The following SEMA3C variants were observed in gnomAD, a reference collection of about 807,000 sequenced individuals.
SEMA3C encodes semaphorin-3C.
A neutral mutation model predicts 89.4 loss-of-function variants in SEMA3C; 47 were observed. The ratio of observed to expected loss-of-function variants is 0.53; its 90% CI spans 0.42 to 0.67. SEMA3C has a LOEUF of 0.67. SEMA3C is among the 30% of genes least tolerant of loss of function. The probability of loss-of-function intolerance (pLI) is 0.00; values close to 1 mark genes in which losing one functional copy is unlikely to be tolerated. For synonymous variants in SEMA3C, 310 were observed against 320.2 expected, an observed-to-expected ratio of 0.97 and a Z score of 0.34; for missense variants, 839 against 929.1, an observed-to-expected ratio of 0.90 and a Z score of 1.26.
chr7:80,788,351 C>T (rs1175769659), intron 12 of SEMA3C, among the ~76,000 whole-genome samples: 1 of 152,182 alleles, frequency 6.6e-6, no homozygotes, highest in East Asian at 1.9e-4. Flanking sequence ...TTTGAAAATA[C>T]ATTTTAAATT....
chr7:80,833,340 G>A (rs1199892732), intron 2 of SEMA3C, among the ~76,000 whole-genome samples: 2 of 151,986 alleles, frequency 1.3e-5, no homozygotes, highest in African/African-American at 4.8e-5. Context: ...GGCTAAGGCA[G>A]GACAGCCTCA....
intron 2 of SEMA3C, among the ~76,000 whole-genome samples, chr7:80,839,367 G>A (rs945966368): frequency 1.3e-5 from 2 of 152,084 alleles, no homozygotes; most frequent in African/African-American, 4.8e-5. Flanking sequence ...TTTGAGGCAA[G>A]GTGTTCAAGA....
At chr7:80,919,898 A>T (rs2116274350), upstream of SEMA3C, among the ~76,000 whole-genome samples, 1 of 152,292 alleles carries the variant, frequency 6.6e-6, no homozygotes, top group South Asian at 2.1e-4. Flanking sequence ...AAGATAAACG[A>T]CAATCTTGTT....
intron 13 of SEMA3C, 48 bp from the exon 14 acceptor site, chr7:80,761,705 A>G: frequency 2.9e-6 from 3 of 1,048,578 alleles, no homozygotes; most frequent in Non-Finnish European, 2.8e-6. Context: ...ATTGCTTAAA[A>G]GGATTTTACA....
intron 4 of SEMA3C, among the ~76,000 whole-genome samples, chr7:80,822,589 G>C (rs925554834): frequency 6.6e-6 from 1 of 152,024 alleles, no homozygotes; most frequent in African/African-American, 2.4e-5. Flanking sequence ...TTGCAGAGAA[G>C]ACAGAGTAGA....
At chr7:80,765,091 C>T in intron 13 of SEMA3C, 64 bp downstream of exon 13, 1 of 1,090,822 alleles carries the variant, frequency 9.2e-7, no homozygotes, top group Non-Finnish European at 1.4e-6. Flanking sequence ...TCCCAAGTGG[C>T]TGTAAGATTA....
rs1792049214 is a variant in SEMA3C at position 80,907,766 on chromosome 7, C to G, written c.103+8913G>C. On this transcript the variant is annotated intron_variant, in intron 2 of 17. Transcript: ENST00000265361. The stretch of plus-strand genomic sequence containing the variant: ...AATTAAATTATTCGATAATTCTTTT[C>G]AAATCAAGGGGTAATTTAAGTCATA... Among the ~76,000 whole-genome samples, 5 of 152,048 alleles carry G rather than the reference C, an allele frequency of 3.3e-5. No individual in the cohort carries two copies. In the South Asian group the frequency reaches 8.3e-4, roughly 25 times the overall value.
chr7:80,747,196 G>A (rs573249078), intron 17 of SEMA3C, among the ~76,000 whole-genome samples: 3 of 151,816 alleles, frequency 2.0e-5, no homozygotes, highest in Non-Finnish European at 4.4e-5. Context: ...TTTTGAGATT[G>A]GAAAAAAAGT....
At chr7:80,888,264 A>G (rs1376099771) in intron 2 of SEMA3C, among the ~76,000 whole-genome samples, 4 of 151,708 alleles carry the variant, frequency 2.6e-5, no homozygotes, top group Non-Finnish European at 2.9e-5. Flanking sequence ...AATACAAAAA[A>G]CTAGCCGGGC....
chr7:80,794,916 C>T lies in SEMA3C; in HGVS notation c.1131+3176G>A, dbSNP rs192157023. ...ACTGACTTGGGCTTGCTGGTGGGGT[C>T]GTTTGCTAACAGAGCTACCAACCGT... On this transcript the variant is annotated intron_variant, in intron 11 of 17. Coordinates refer to ENST00000265361, the MANE Select transcript of SEMA3C (RefSeq NM_006379.5). 2.1e-3 allele frequency among the ~76,000 whole-genome samples: 325 copies of T among 152,190 alleles called. 1 individual carries two copies. Among genetic ancestry groups the T allele is most frequent in the African/African-American group, 7.4e-3 (309 of 41,538 alleles).
At chr7:80,825,664 A>G (rs998672399) in intron 4 of SEMA3C, among the ~76,000 whole-genome samples, 2 of 152,156 alleles carry the variant, frequency 1.3e-5, no homozygotes, top group African/African-American at 4.8e-5. Context: ...TGCCTATGGC[A>G]GTTCATATGA....
chr7:80,769,931 T>C (rs181456014), intron 12 of SEMA3C, among the ~76,000 whole-genome samples: 11 of 151,604 alleles, frequency 7.3e-5, no homozygotes, highest in African/African-American at 2.7e-4. Context: ...CAGTAAAAGT[T>C]ACAATACCAC....
intron 12 of SEMA3C, among the ~76,000 whole-genome samples, chr7:80,771,681 A>C (rs755162260): frequency 3.3e-5 from 5 of 152,114 alleles, no homozygotes; most frequent in African/African-American, 4.8e-5. Context: ...TCTTATGTAA[A>C]CAGTCCTAAG....
chr7:80,867,042 C>T (rs1458709459), intron 2 of SEMA3C, among the ~76,000 whole-genome samples: 3 of 152,106 alleles, frequency 2.0e-5, no homozygotes, highest in Non-Finnish European at 4.4e-5. Flanking sequence ...GATTGCACTG[C>T]CTATTGGGAT....
At chr7:80,820,326 CTGGGAT>C (rs1789717030) in intron 4 of SEMA3C, among the ~76,000 whole-genome samples, 1 of 151,980 alleles carries the variant, frequency 6.6e-6, no homozygotes, top group Non-Finnish European at 1.5e-5. Context: ...TCCCAAAGTG[CTGGGAT>C]TACAGGTGTG....
At position 80,887,985 on chromosome 7, in the gene SEMA3C, T is replaced by C. The variant is rs139973659; in HGVS notation, c.103+28694A>G. Reference sequence around the variant, plus strand: ...TTTATGCTACTTGTCTGAAAAGGTCTCTTATTACATGTTTTAAAGATTTAG... The same window carrying C: ...TTTATGCTACTTGTCTGAAAAGGTCCCTTATTACATGTTTTAAAGATTTAG... On this transcript the variant is annotated intron_variant, in intron 2 of 17. Coordinates refer to ENST00000265361, the MANE Select transcript of SEMA3C (RefSeq NM_006379.5). Among the ~76,000 whole-genome samples, 1,502 of 152,308 alleles carry C rather than the reference T, an allele frequency of 9.9e-3. 9 individuals carry two copies. The highest frequency in any genetic ancestry group is 0.02 in the Middle Eastern group (6 of 294).
chr7:80,886,750 T>C (rs1171216162), intron 2 of SEMA3C, among the ~76,000 whole-genome samples: 1 of 152,170 alleles, frequency 6.6e-6, no homozygotes, highest in East Asian at 1.9e-4. Flanking sequence ...TCTAAGGAGT[T>C]AGTTAAATGT....
At chr7:80,833,837 C>T (rs73372981) in intron 2 of SEMA3C, among the ~76,000 whole-genome samples, 2,003 of 151,818 alleles carry the variant, frequency 0.013, 50 homozygotes, top group African/African-American at 0.045. Context: ...AAAAGAATGA[C>T]CCAAGAATCT....
chr7:80,783,308 A>G (rs181323871), intron 12 of SEMA3C, among the ~76,000 whole-genome samples: 53 of 152,084 alleles, frequency 3.5e-4, no homozygotes, highest in African/African-American at 1.3e-3. Context: ...ACTCTTCTAC[A>G]TGATCAAGTA....
Sources: gnomAD v4.1 joint callset for allele counts (sites outside exome capture counted in the v4.1 genomes callset) on GRCh38, gnomAD v4.1.1 for gene constraint, MANE v1.5 for transcripts, NCBI Gene and HGNC (gene_info 2026-07-23, HGNC 2026-07-21) for gene names.